Variants in SPMIP2 observed in about 807,000 individuals in gnomAD.
SPMIP2 encodes protein SPMIP2.
At chr4:159,056,856 A>T in the SPMIP2 span, among the ~76,000 whole-genome samples, 6 of 152,212 alleles carry the variant, frequency 3.9e-5, no homozygotes, top group Admixed American at 2.0e-4. Flanking sequence ...AATTCACATG[A>T]AGTAGGCCGT....
the SPMIP2 span, among the ~76,000 whole-genome samples, chr4:159,073,305 C>T: frequency 6.6e-6 from 1 of 152,106 alleles, no homozygotes; most frequent in Non-Finnish European, 1.5e-5. Flanking sequence ...AGGCGCACGC[C>T]ACCATGCCCG....
the SPMIP2 span, among the ~76,000 whole-genome samples, chr4:158,956,263 C>T: frequency 6.6e-6 from 1 of 152,194 alleles, no homozygotes; most frequent in African/African-American, 2.4e-5. Context: ...TTGTAGGGCC[C>T]TTTTAAAATG....
chr4:159,031,580 ATT>A, the SPMIP2 span, among the ~76,000 whole-genome samples: 2 of 152,214 alleles, frequency 1.3e-5, no homozygotes, highest in African/African-American at 4.8e-5. Context: ...AATCAGGAAA[ATT>A]TTGTTATGGA....
chr4:158,989,083 A>G, the SPMIP2 span, among the ~76,000 whole-genome samples: 1 of 152,208 alleles, frequency 6.6e-6, no homozygotes, highest in Admixed American at 6.6e-5. Flanking sequence ...ATTCCTGTAC[A>G]CCAATAACAG....
chr4:159,030,318 G>A, the SPMIP2 span, among the ~76,000 whole-genome samples: 41 of 151,962 alleles, frequency 2.7e-4, no homozygotes, highest in African/African-American at 9.4e-4. Flanking sequence ...AGGCTGAGGT[G>A]GGAGGATCAC....
chr4:159,021,081 T>C, the SPMIP2 span, among the ~76,000 whole-genome samples: 1 of 152,040 alleles, frequency 6.6e-6, no homozygotes, highest in South Asian at 2.1e-4. Flanking sequence ...TCTTAGGAGG[T>C]CCACAGTGGT....
the SPMIP2 span, among the ~76,000 whole-genome samples, chr4:158,968,430 A>G: frequency 2.2e-4 from 34 of 152,316 alleles, no homozygotes; most frequent in South Asian, 6.0e-3. Flanking sequence ...AAAGGGATGC[A>G]TACCTTATAA....
the SPMIP2 span, chr4:159,026,163 C>T: frequency 1.8e-5 from 7 of 385,586 alleles, no homozygotes; most frequent in Non-Finnish European, 3.1e-5. Context: ...GCCTAGTGGA[C>T]AGCAAAGGCC....
chr4:159,027,614 G>A, the SPMIP2 span, among the ~76,000 whole-genome samples: 1 of 152,024 alleles, frequency 6.6e-6, no homozygotes. Flanking sequence ...TATAGTGCTG[G>A]GACTTAAACT....
the SPMIP2 span, chr4:158,904,544 A>G: frequency 2.5e-6 from 4 of 1,612,172 alleles, no homozygotes; most frequent in Non-Finnish European, 3.4e-6. Flanking sequence ...TACTCTTATA[A>G]GCTAAAGCTC....
the SPMIP2 span, among the ~76,000 whole-genome samples, chr4:158,998,710 G>A: frequency 2.2e-4 from 33 of 152,216 alleles, no homozygotes; most frequent in Non-Finnish European, 4.3e-4. Flanking sequence ...TAAGAATCGC[G>A]CCGGTTTTAC....
the SPMIP2 span, among the ~76,000 whole-genome samples, chr4:158,900,780 T>C: frequency 6.6e-6 from 1 of 152,226 alleles, no homozygotes; most frequent in African/African-American, 2.4e-5. Flanking sequence ...GTCTTGACTC[T>C]TTATCCAGTT....
At chr4:159,040,161 T>TGC in the SPMIP2 span, among the ~76,000 whole-genome samples, 1 of 151,846 alleles carries the variant, frequency 6.6e-6, no homozygotes, top group Non-Finnish European at 1.5e-5. Context: ...TGTGTGTGTG[T>TGC]GTATATATGT....
chr4:159,020,743 G>A, the SPMIP2 span, among the ~76,000 whole-genome samples: 134 of 152,274 alleles, frequency 8.8e-4, no homozygotes, highest in Non-Finnish European at 1.6e-3. Context: ...GCACTCTGAC[G>A]TTCTTTTTTG....
At chr4:159,014,513 AT>A in the SPMIP2 span, among the ~76,000 whole-genome samples, 51,176 of 151,224 alleles carry the variant, frequency 0.34, 9,351 homozygotes, top group Middle Eastern at 0.4. Flanking sequence ...TCTGAAACAA[AT>A]TTTTTTTTTA....
the SPMIP2 span, among the ~76,000 whole-genome samples, chr4:159,062,042 T>A: frequency 4.6e-5 from 7 of 152,004 alleles, no homozygotes; most frequent in Non-Finnish European, 1.0e-4. Context: ...GAGCAATGAG[T>A]GACTGTACAA....
chr4:159,007,869 T>C, the SPMIP2 span: 1 of 517,580 alleles, frequency 1.9e-6, no homozygotes, highest in Non-Finnish European at 3.8e-6. Flanking sequence ...ATGACCTATA[T>C]GTTGTGTGTG....
the SPMIP2 span, among the ~76,000 whole-genome samples, chr4:159,031,436 A>G: frequency 6.6e-6 from 1 of 152,260 alleles, no homozygotes; most frequent in Admixed American, 6.5e-5. Context: ...AGTTTCTGCA[A>G]CAAGTAAATG....
chr4:159,075,800 T>G, the SPMIP2 span, among the ~76,000 whole-genome samples: 3 of 152,108 alleles, frequency 2.0e-5, no homozygotes, highest in African/African-American at 7.2e-5. Flanking sequence ...TTTTTTTTTT[T>G]TTTAAATTCT....
Sources: allele counts gnomAD v4.1 joint callset (sites outside exome capture counted in the v4.1 genomes callset), GRCh38; gene constraint gnomAD v4.1.1; transcripts MANE v1.5; gene names NCBI Gene and HGNC (gene_info 2026-07-23, HGNC 2026-07-21).